Variants in RARB observed in about 807,000 individuals in gnomAD.
The protein encoded by RARB is retinoic acid receptor beta, also known as HBV-activated protein.
RARB carries 17 observed loss-of-function variants against 51.9 expected under a neutral mutation model. The ratio of observed to expected loss-of-function variants is 0.33; its 90% CI spans 0.22 to 0.49. The LOEUF is 0.49. Among genes scored for constraint, RARB ranks in the 20% least tolerant of loss-of-function variants. RARB has a pLI of 0.99. For synonymous variants in RARB, 215 were observed against 195.4 expected (o/e 1.10, Z -0.84); for missense variants, 369 against 550.8 (o/e 0.67, Z 3.30).
Position 25,335,532 on chromosome 3 carries a change from A to G in RARB, c.179-125661A>G, listed in dbSNP as rs1038939945. Among the ~76,000 whole-genome samples the G allele has an allele frequency of 4.6e-5, 7 of 152,182 alleles. No individual in the cohort carries two copies. The South Asian group carries it at 1.5e-3, about 32-fold the overall frequency. ...ATCAGGCCAGGTTTGGCACCTCATTACCTTCTCTTGGCTTCCCCAGTTCCA... is the reference window on the plus strand; with the variant it reads ...ATCAGGCCAGGTTTGGCACCTCATTGCCTTCTCTTGGCTTCCCCAGTTCCA... On this transcript the variant is annotated intron_variant, in intron 5 of 11. Coordinates refer to the RARB transcript ENST00000383772.
At chr3:25,432,132 C>T (rs1306079606) in intron 1 of RARB, among the ~76,000 whole-genome samples, 3 of 152,046 alleles carry the variant, frequency 2.0e-5, no homozygotes, top group Non-Finnish European at 2.9e-5. Flanking sequence ...TTCCTTAAAT[C>T]GCAAAGAGAG....
chr3:25,014,397 G>A (rs1478610121), intron 2 of RARB, among the ~76,000 whole-genome samples: 2 of 152,110 alleles, frequency 1.3e-5, no homozygotes, highest in African/African-American at 4.8e-5. Flanking sequence ...TGTGAAGAGA[G>A]GCTACCTGTA....
At position 25,475,404 on chromosome 3, in the gene RARB, G is replaced by C. The variant is rs189663791; in HGVS notation, c.306+14063G>C. On this transcript the variant is annotated intron_variant, in intron 2 of 7. Transcript: ENST00000330688. ...TAAGCTATTATCCAAATAACAAAGG[G>C]GGGGGGATCCCCTGCAAAAAATCAC... Among the ~76,000 whole-genome samples, 9 of 152,098 alleles carry C rather than the reference G, an allele frequency of 5.9e-5. No homozygotes were observed. The South Asian group carries it at 8.3e-4, about 14-fold the overall frequency.
intron 5 of RARB, among the ~76,000 whole-genome samples, chr3:25,199,299 G>C (rs951534419): frequency 1.3e-5 from 2 of 151,912 alleles, no homozygotes; most frequent in East Asian, 1.9e-4. Context: ...CTGAGGCTGG[G>C]AAAGGTCGTT....
At chr3:24,911,911 G>A (rs1195068778) in intron 2 of RARB, among the ~76,000 whole-genome samples, 3 of 152,186 alleles carry the variant, frequency 2.0e-5, no homozygotes, top group African/African-American at 7.2e-5. Context: ...AGAAAGGCTA[G>A]GACTGTGCCC....
intron 2 of RARB, among the ~76,000 whole-genome samples, chr3:24,888,389 C>A (rs1349058096): frequency 6.6e-6 from 1 of 151,930 alleles, no homozygotes; most frequent in Non-Finnish European, 1.5e-5. Context: ...TTGAACCTAG[C>A]CAGTTACAGC....
chr3:25,505,544 ATT>A (rs5847359), intron 3 of RARB, among the ~76,000 whole-genome samples: 2 of 146,414 alleles, frequency 1.4e-5, no homozygotes, highest in Middle Eastern at 3.6e-3. Flanking sequence ...TTATTTCTTC[ATT>A]TTTTTTTTTT....
intron 5 of RARB, among the ~76,000 whole-genome samples, chr3:25,309,226 C>T (rs1209271603): frequency 6.7e-6 from 1 of 148,486 alleles, no homozygotes; most frequent in Admixed American, 6.7e-5. Flanking sequence ...CGGCAAGCTC[C>T]ACCTCCCAGG....
chr3:25,014,679 G>C (rs1225338540), intron 2 of RARB, among the ~76,000 whole-genome samples: 3 of 152,082 alleles, frequency 2.0e-5, no homozygotes, highest in Non-Finnish European at 4.4e-5. Flanking sequence ...AAGCTACTAA[G>C]TGGTGGGATA....
chr3:24,887,484 G>T lies in RARB; in HGVS notation c.-380+28732G>T, dbSNP rs892488638. On this transcript the variant is annotated intron_variant, in intron 2 of 11. Coordinates refer to the RARB transcript ENST00000383772. ...TTGAGTGTACCTTCTTTGAAGCTTTGATCTATTTTATGATAGAATGTTATG... is the reference window on the plus strand; with the variant it reads ...TTGAGTGTACCTTCTTTGAAGCTTTTATCTATTTTATGATAGAATGTTATG... Among the ~76,000 whole-genome samples the T allele has an allele frequency of 3.3e-5, 5 of 152,114 alleles. 1 individual carries two copies.
At chr3:25,076,016 A>T (rs185050789) in intron 3 of RARB, among the ~76,000 whole-genome samples, 1 of 152,358 alleles carries the variant, frequency 6.6e-6, no homozygotes, top group East Asian at 1.9e-4. Context: ...TAATTCAGAT[A>T]GAGTTTATTG....
intron 2 of RARB, among the ~76,000 whole-genome samples, chr3:24,883,356 TTG>T (rs3057218): frequency 0.1 from 14,480 of 143,586 alleles, 746 homozygotes; most frequent in African/African-American, 0.15. Flanking sequence ...TCAACAATCA[TTG>T]TGTGTGTGTG....
intron 2 of RARB, among the ~76,000 whole-genome samples, chr3:24,949,103 G>C (rs142882129): frequency 9.1e-4 from 139 of 152,230 alleles, no homozygotes; most frequent in Middle Eastern, 3.4e-3. Context: ...GTTACCATTT[G>C]ACCCATGTCA....
intron 5 of RARB, among the ~76,000 whole-genome samples, chr3:25,209,671 T>C (rs67128462): frequency 0.14 from 21,856 of 152,130 alleles, 1,703 homozygotes; most frequent in Non-Finnish European, 0.17. Flanking sequence ...CAGACCTCAG[T>C]TTTATGTCTC....
chr3:25,257,930 C>A (rs1169787252), intron 5 of RARB, among the ~76,000 whole-genome samples: 1 of 152,066 alleles, frequency 6.6e-6, no homozygotes, highest in Admixed American at 6.6e-5. Flanking sequence ...TTAGTTGAGC[C>A]CCTTCATCAT....
chr3:25,151,680 C>T (rs1170070507), intron 4 of RARB, among the ~76,000 whole-genome samples: 1 of 152,146 alleles, frequency 6.6e-6, no homozygotes, highest in Non-Finnish European at 1.5e-5. Flanking sequence ...TTCCTGTTTC[C>T]GTCTATTGTA....
In RARB at chr3:25,312,530, C is replaced by T. The variant is rs950705710; in HGVS notation, c.178+137955C>T. On this transcript the variant is annotated intron_variant, in intron 5 of 11. Coordinates refer to the RARB transcript ENST00000383772. ...GAGTTAAAAGTGGGTTTGTAAAATG[C>T]GGTTAATTGAAAAGAAGAGGTATAG... 2.6e-5 allele frequency among the ~76,000 whole-genome samples: 4 copies of T among 151,976 alleles called. 1 individual carries two copies. Among genetic ancestry groups the T allele is most frequent in the South Asian group, 4.2e-4 (2 of 4,812 alleles).
At chr3:25,387,787 G>A (rs1308226330) in intron 5 of RARB, among the ~76,000 whole-genome samples, 1 of 151,806 alleles carries the variant, frequency 6.6e-6, no homozygotes, top group Non-Finnish European at 1.5e-5. Flanking sequence ...TCCTGACAAA[G>A]CAGCTTTTGT....
intron 3 of RARB, among the ~76,000 whole-genome samples, chr3:25,065,108 G>A (rs1229365964): frequency 7.0e-6 from 1 of 143,802 alleles, no homozygotes; most frequent in South Asian, 2.3e-4. Context: ...TTTTAAATAC[G>A]ACTCTAGAAC....
Sources: gnomAD v4.1 joint callset for allele counts (sites outside exome capture counted in the v4.1 genomes callset) on GRCh38, gnomAD v4.1.1 for gene constraint, MANE v1.5 for transcripts, NCBI Gene and HGNC (gene_info 2026-07-23, HGNC 2026-07-21) for gene names.